Variants in PARD3 observed in about 807,000 individuals in gnomAD.
PARD3 encodes the protein partitioning defective 3 homolog.
A neutral mutation model predicts 155.4 loss-of-function variants in PARD3; 75 were observed. The observed-to-expected ratio is 0.48, with a 90% CI of 0.40 to 0.58. The LOEUF is 0.58. Among genes scored for constraint, PARD3 ranks in the 20% least tolerant of loss-of-function variants. PARD3 has a pLI of 0.00. For synonymous variants in PARD3, 576 were observed against 610.5 expected (o/e 0.94, Z 0.83); for missense variants, 1,642 against 1,721.7 (o/e 0.95, Z 0.82).
chr10:34,493,720 G>A (rs951058540), intron 3 of PARD3, among the ~76,000 whole-genome samples: 9 of 148,244 alleles, frequency 6.1e-5, no homozygotes, highest in East Asian at 1.9e-4. Flanking sequence ...CGACAAAAGC[G>A]AAACTCTGTC....
intron 5 of PARD3, among the ~76,000 whole-genome samples, chr10:34,435,639 G>A (rs1241888549): frequency 6.6e-6 from 1 of 152,136 alleles, no homozygotes; most frequent in Non-Finnish European, 1.5e-5. Flanking sequence ...GAAAAACATA[G>A]TATGTTTACG....
intron 7 of PARD3, among the ~76,000 whole-genome samples, chr10:34,392,187 A>T (rs1842925823): frequency 6.6e-6 from 1 of 152,176 alleles, no homozygotes; most frequent in Non-Finnish European, 1.5e-5. Context: ...AATTTTAAAA[A>T]TAAAAAATAT....
At chr10:34,185,836 T>A (rs1459979643) in intron 22 of PARD3, among the ~76,000 whole-genome samples, 1 of 148,272 alleles carries the variant, frequency 6.7e-6, no homozygotes, top group Non-Finnish European at 1.5e-5. Context: ...TTATATTATA[T>A]TATATTATAT....
chr10:34,383,658 T>C (rs1842074483), intron 8 of PARD3, among the ~76,000 whole-genome samples: 1 of 152,150 alleles, frequency 6.6e-6, no homozygotes, highest in Non-Finnish European at 1.5e-5. Context: ...TGTTTTTCAT[T>C]GACTAAGGGC....
chr10:34,736,063 G>A (rs892917587), intron 1 of PARD3, among the ~76,000 whole-genome samples: 5 of 151,602 alleles, frequency 3.3e-5, no homozygotes, highest in East Asian at 1.9e-4. Context: ...CAAGAGTCTC[G>A]CTCTGCCGCC....
At chr10:34,287,230 T>C (rs1195718187) in intron 20 of PARD3, among the ~76,000 whole-genome samples, 1 of 152,172 alleles carries the variant, frequency 6.6e-6, no homozygotes, top group Non-Finnish European at 1.5e-5. Context: ...TCCAGAAAAG[T>C]ATAAGTTCAA....
chr10:34,536,846 A>G (rs1045957268), intron 2 of PARD3, among the ~76,000 whole-genome samples: 1 of 152,194 alleles, frequency 6.6e-6, no homozygotes, highest in Admixed American at 6.5e-5. Flanking sequence ...GGACATAATT[A>G]ATTTAAAACA....
intron 24 of PARD3, 56 bp from the exon 25 acceptor site, chr10:34,111,618 G>A (rs1363579891): frequency 7.0e-6 from 10 of 1,423,262 alleles, no homozygotes; most frequent in South Asian, 1.3e-5. Flanking sequence ...GGGAGAGGGA[G>A]GAAAGGGGGC....
At chr10:34,401,995 TGGAAGTCTAATA>T in intron 5 of PARD3, 78 bp from the exon 6 acceptor site, 1 of 1,133,746 alleles carries the variant, frequency 8.8e-7, no homozygotes, top group Non-Finnish European at 1.3e-6. Flanking sequence ...CTGGATAAAA[TGGAAGTCTAATA>T]GGCATTATGA....
chr10:34,570,183 G>A (rs1248175317), intron 2 of PARD3, among the ~76,000 whole-genome samples: 1 of 152,180 alleles, frequency 6.6e-6, no homozygotes, highest in Non-Finnish European at 1.5e-5. Flanking sequence ...TCTACCCATT[G>A]TTGGAGTTAT....
intron 15 of PARD3, among the ~76,000 whole-genome samples, chr10:34,346,677 T>C (rs949291605): frequency 6.6e-6 from 1 of 152,180 alleles, no homozygotes; most frequent in Non-Finnish European, 1.5e-5. Flanking sequence ...GTACAAAGCC[T>C]TTCACCTGAC....
At chr10:34,759,952 G>A (rs1837231219) in intron 1 of PARD3, among the ~76,000 whole-genome samples, 1 of 152,164 alleles carries the variant, frequency 6.6e-6, no homozygotes, top group Admixed American at 6.5e-5. Flanking sequence ...TTCGTTTTGG[G>A]GAGTGGAATT....
intron 22 of PARD3, among the ~76,000 whole-genome samples, chr10:34,196,466 T>C (rs778921119): frequency 9.2e-5 from 14 of 152,158 alleles, no homozygotes; most frequent in Non-Finnish European, 1.8e-4. Context: ...CCATCTTAAA[T>C]TGAACAATGC....
At chr10:34,373,803 G>T (rs1271567762) in intron 11 of PARD3, among the ~76,000 whole-genome samples, 1 of 151,770 alleles carries the variant, frequency 6.6e-6, no homozygotes, top group Non-Finnish European at 1.5e-5. Flanking sequence ...GTAACCAGGG[G>T]ATAAGATATT....
chr10:34,549,648 TAC>T (rs754921304), intron 2 of PARD3, among the ~76,000 whole-genome samples: 1 of 152,202 alleles, frequency 6.6e-6, no homozygotes, highest in Non-Finnish European at 1.5e-5. Flanking sequence ...TACCCTAAAA[TAC>T]ACTCAATTAC....
chr10:34,426,616 C>T (rs1255976189), intron 5 of PARD3: 6 of 152,026 alleles, frequency 3.9e-5, no homozygotes, highest in Admixed American at 3.3e-4. Context: ...ACCATATCGG[C>T]TTAAGTTTAA....
intron 2 of PARD3, among the ~76,000 whole-genome samples, chr10:34,536,294 T>C (rs971140007): frequency 1.3e-5 from 2 of 152,200 alleles, no homozygotes; most frequent in African/African-American, 4.8e-5. Context: ...TTGTTATATC[T>C]TCAAATCTAC....
chr10:34,117,683 G>A (rs1946758106), intron 24 of PARD3, among the ~76,000 whole-genome samples: 2 of 152,148 alleles, frequency 1.3e-5, no homozygotes, highest in African/African-American at 4.8e-5. Context: ...GGGCTAAGGT[G>A]GGCAGATCAC....
chr10:34,139,736 A>T lies in PARD3; in HGVS notation c.3420-8153T>A, dbSNP rs561860316. On this transcript the variant is annotated intron_variant, in intron 22 of 24. Transcript: ENST00000374788. ...TTACTGTGATGTCATCCATGGATGT[A>T]CAGAGTTGTAATCCTTTCAAAACAG... 5.3e-5 allele frequency among the ~76,000 whole-genome samples: 8 copies of T among 152,294 alleles called. No homozygotes were observed. The South Asian group carries it at 1.7e-3, about 32-fold the overall frequency.
Sources: allele counts gnomAD v4.1 joint callset (sites outside exome capture counted in the v4.1 genomes callset), GRCh38; gene constraint gnomAD v4.1.1; transcripts MANE v1.5; gene names NCBI Gene and HGNC (gene_info 2026-07-23, HGNC 2026-07-21).